ATRN: variants seen among roughly 807,000 people sequenced by gnomAD.
The protein encoded by ATRN is attractin-2.
Under a neutral mutation model 178.7 loss-of-function variants are expected in ATRN, and 54 were observed. The observed-to-expected ratio is 0.30, with a 90% CI of 0.24 to 0.38. The LOEUF is 0.38. Among genes scored for constraint, ATRN ranks in the 10% least tolerant of loss-of-function variants. The probability of loss-of-function intolerance (pLI) is 1.00; values close to 1 mark genes in which losing one functional copy is unlikely to be tolerated. For synonymous variants in ATRN, 636 were observed against 663.0 expected, an observed-to-expected ratio of 0.96 and a Z score of 0.63; for missense variants, 1,443 against 1,815.1, an observed-to-expected ratio of 0.79 and a Z score of 3.73.
Position 3,580,108 on chromosome 20 carries a change from T to C in ATRN, c.2544+1336T>C, listed in dbSNP as rs2146255261. Among the ~76,000 whole-genome samples the C allele has an allele frequency of 2.6e-5, 4 of 152,328 alleles. No homozygotes were observed. In the South Asian group the frequency reaches 8.3e-4, roughly 32 times the overall value. On this transcript the variant is annotated intron_variant, in intron 15 of 28. Transcript: ENST00000262919. ...ATTTCAGAATCTCCATTGGTGACTG[T>C]CTCTGTTGTTTCTCTTTCCATGTCC...
intron 6 of ATRN, among the ~76,000 whole-genome samples, chr20:3,556,422 C>T (rs186888): frequency 0.75 from 114,467 of 152,036 alleles, 43,527 homozygotes; most frequent in East Asian, 1. Flanking sequence ...TATCTGCTGT[C>T]TGGGGTCATG....
chr20:3,576,978 G>A lies in ATRN; in HGVS notation c.2334G>A (p.Gln778=). 1 of 1,614,054 alleles carries A rather than the reference G, an allele frequency of 6.2e-7. No individual in the cohort carries two copies. Among genetic ancestry groups the A allele is most frequent in the Non-Finnish European group, 8.5e-7 (1 of 1,179,988 alleles). ...DQNCQWEPRN[Q]ECIALPENIC... ...ACTGCCAGTGGGAGCCCCGGAATCA[G>A]GAGTGCATTGCCCTGCCCGGTAGGC... Residue 778 remains glutamine, a synonymous_variant, in exon 14 of 29, where the codon CAG becomes CAA. Transcript: ENST00000262919.
chr20:3,602,287 G>A (rs1025311343), intron 23 of ATRN, among the ~76,000 whole-genome samples: 3 of 151,332 alleles, frequency 2.0e-5, no homozygotes, highest in Non-Finnish European at 2.9e-5. Flanking sequence ...CCGAGATCAC[G>A]CCACTGCACT....
intron 24 of ATRN, among the ~76,000 whole-genome samples, chr20:3,618,271 T>C (rs945382219): frequency 3.9e-5 from 6 of 152,142 alleles, no homozygotes; most frequent in African/African-American, 1.4e-4. Context: ...ACCTTCTGTT[T>C]CAGTAAGAGG....
chr20:3,511,798 T>C (rs2085131911), intron 1 of ATRN, among the ~76,000 whole-genome samples: 1 of 152,116 alleles, frequency 6.6e-6, no homozygotes, highest in Non-Finnish European at 1.5e-5. Flanking sequence ...ATCTTAATCA[T>C]GACAAAACCT....
chr20:3,626,234 A>G (rs1483277066), intron 25 of ATRN, among the ~76,000 whole-genome samples: 1 of 124,576 alleles, frequency 8.0e-6, no homozygotes, highest in African/African-American at 2.7e-5. Flanking sequence ...CCTGTCTCAA[A>G]AAAAAAAAAA....
chr20:3,613,656 G>A (rs577066339), intron 24 of ATRN, among the ~76,000 whole-genome samples: 7 of 151,978 alleles, frequency 4.6e-5, no homozygotes, highest in South Asian at 2.1e-4. Flanking sequence ...AGGCAAAGCC[G>A]TTTTGCCTTT....
chr20:3,587,428 A>G (rs1480245152), intron 18 of ATRN, among the ~76,000 whole-genome samples: 1 of 151,818 alleles, frequency 6.6e-6, no homozygotes, highest in Non-Finnish European at 1.5e-5. Flanking sequence ...GTAGGGGTCC[A>G]AACTCTCTTC....
intron 11 of ATRN, among the ~76,000 whole-genome samples, 191 bp from the exon 12 acceptor site, chr20:3,572,540 G>A (rs1350326473): frequency 1.3e-5 from 2 of 152,038 alleles, no homozygotes; most frequent in East Asian, 3.9e-4. Context: ...ATGGTAGCTG[G>A]ATGTGGTGGT....
chr20:3,473,713 C>T (rs1271456949), intron 1 of ATRN, among the ~76,000 whole-genome samples: 1 of 152,142 alleles, frequency 6.6e-6, no homozygotes, highest in Non-Finnish European at 1.5e-5. Flanking sequence ...ACCTGGGACA[C>T]TGTGGTAGGC....
At chr20:3,488,160 G>T (rs1465531089) in intron 1 of ATRN, among the ~76,000 whole-genome samples, 1 of 151,974 alleles carries the variant, frequency 6.6e-6, no homozygotes, top group Non-Finnish European at 1.5e-5. Flanking sequence ...AGGTTCAGCT[G>T]GCAGTTAAAA....
chr20:3,537,669 A>T (rs1202446651), intron 2 of ATRN, among the ~76,000 whole-genome samples: 1 of 123,352 alleles, frequency 8.1e-6, no homozygotes, highest in African/African-American at 3.1e-5. Flanking sequence ...CACTCCCCCC[A>T]CCCCACGACA....
At chr20:3,491,661 C>T (rs2084795816) in intron 1 of ATRN, among the ~76,000 whole-genome samples, 2 of 152,164 alleles carry the variant, frequency 1.3e-5, no homozygotes, top group Admixed American at 1.3e-4. Flanking sequence ...CTGTTTGACC[C>T]TCAGTTTTCT....
At chr20:3,477,870 C>G (rs963464427) in intron 1 of ATRN, among the ~76,000 whole-genome samples, 1 of 152,226 alleles carries the variant, frequency 6.6e-6, no homozygotes, top group Non-Finnish European at 1.5e-5. Context: ...CTGAACTTCT[C>G]TGTCATCCAC....
At position 3,497,069 on chromosome 20, in the gene ATRN, T is replaced by C. The variant is rs540536800; in HGVS notation, c.410+25552T>C. ...CCTATGTGTGTCTCTGCACGTGAGATGGGTTTCCTGAATACAGCACACTGA... is the reference window on the plus strand; with the variant it reads ...CCTATGTGTGTCTCTGCACGTGAGACGGGTTTCCTGAATACAGCACACTGA... On this transcript the variant is annotated intron_variant, in intron 1 of 28. Transcript: ENST00000262919. Among the ~76,000 whole-genome samples the C allele has an allele frequency of 9.3e-5, 14 of 151,298 alleles. 1 individual carries two copies. In the East Asian group the frequency reaches 2.7e-3, roughly 29 times the overall value.
Position 3,629,034 on chromosome 20 carries a change from A to T in ATRN, c.3863+4462A>T, listed in dbSNP as rs149502177. 8.7e-5 allele frequency: 86 copies of T among 985,172 alleles called. No individual in the cohort carries two copies. In the African/African-American group the frequency reaches 1.3e-3, roughly 15 times the overall value. 61.0% of individuals were successfully genotyped at this position (985,172 alleles called of 1,614,324 possible). A position where few individuals can be genotyped will look rare whatever the true frequency, so the allele number is the denominator to read the frequency against. ...GTTCCCCACCTCACTAACTGGCAAC[A>T]TGGCTCTGCTGGTTCCAAGCCACTT... On this transcript the variant is annotated intron_variant, in intron 25 of 28. Coordinates refer to ENST00000262919, the MANE Select transcript of ATRN (RefSeq NM_139321.3).
intron 25 of ATRN, among the ~76,000 whole-genome samples, chr20:3,627,523 G>A (rs928897085): frequency 1.5e-4 from 23 of 152,146 alleles, no homozygotes; most frequent in African/African-American, 5.6e-4. Context: ...ACTGTCAGTT[G>A]GATCTTTGAA....
intron 1 of ATRN, among the ~76,000 whole-genome samples, chr20:3,494,386 T>C (rs545725796): frequency 1.2e-4 from 19 of 152,158 alleles, no homozygotes; most frequent in Non-Finnish European, 2.2e-4. Flanking sequence ...AGTTTTGACA[T>C]GATCAGATTG....
chr20:3,582,432 A>G (rs1287666377), intron 16 of ATRN, 78 bp downstream of exon 16: 3 of 1,303,514 alleles, frequency 2.3e-6, no homozygotes, highest in Non-Finnish European at 3.3e-6. Flanking sequence ...CATTGCTGAG[A>G]TGTGTGAAGT....
Sources: gnomAD v4.1 joint callset for allele counts (sites outside exome capture counted in the v4.1 genomes callset) on GRCh38, gnomAD v4.1.1 for gene constraint, MANE v1.5 for transcripts, NCBI Gene and HGNC (gene_info 2026-07-23, HGNC 2026-07-21) for gene names.